Variants in PDE4D observed in about 807,000 individuals in gnomAD.
PDE4D encodes the protein 3',5'-cyclic-AMP phosphodiesterase 4D.
A neutral mutation model predicts 87.4 loss-of-function variants in PDE4D; 24 were observed. The ratio of observed to expected loss-of-function variants is 0.27; its 90% confidence interval spans 0.20 to 0.39. The LOEUF is 0.39. Ranked by LOEUF, PDE4D falls within the 10% of genes least tolerant of loss-of-function variation. PDE4D has a pLI of 1.00. For synonymous variants in PDE4D, 384 were observed against 383.2 expected (o/e 1.00, Z -0.02); for missense variants, 714 against 1,041.0 (o/e 0.69, Z 4.32).
chr5:60,118,852 G>C (rs1227570776), intron 2 of PDE4D, among the ~76,000 whole-genome samples: 1 of 152,024 alleles, frequency 6.6e-6, no homozygotes, highest in Admixed American at 6.6e-5. Flanking sequence ...TGAAGACGGA[G>C]TCCTGGTATG....
At chr5:60,105,035 A>C (rs888015752) in intron 2 of PDE4D, among the ~76,000 whole-genome samples, 9 of 152,250 alleles carry the variant, frequency 5.9e-5, no homozygotes, top group Admixed American at 1.3e-4. Context: ...GAGTTGAGAG[A>C]AGAAGGCTTC....
chr5:59,800,621 AC>A (rs1262047252), intron 1 of PDE4D, among the ~76,000 whole-genome samples: 1 of 145,716 alleles, frequency 6.9e-6, no homozygotes, highest in South Asian at 2.2e-4. Context: ...CCCCACCCCT[AC>A]CCCCCTACTA....
chr5:59,003,925 A>G (rs778532375), intron 6 of PDE4D, among the ~76,000 whole-genome samples: 16 of 151,994 alleles, frequency 1.1e-4, no homozygotes, highest in South Asian at 2.1e-4. Context: ...TTTAAATGCA[A>G]ATTACACTCT....
At chr5:60,114,550 A>T (rs1301306196) in intron 2 of PDE4D, among the ~76,000 whole-genome samples, 1 of 152,106 alleles carries the variant, frequency 6.6e-6, no homozygotes, top group Non-Finnish European at 1.5e-5. Flanking sequence ...GATGAGTACA[A>T]ACCAGAGAAC....
chr5:59,879,843 C>G lies in PDE4D; in HGVS notation c.455+13325G>C, dbSNP rs140126826. Among the ~76,000 whole-genome samples the G allele has an allele frequency of 6.2e-3, 945 of 152,284 alleles. 7 individuals are homozygous for G. Among genetic ancestry groups the G allele is most frequent in the African/African-American group, 0.022 (901 of 41,548 alleles). ...GCAACCTCCGCTCCCCGGGTTTAAG[C>G]GATTCTCCTGCCTCAGTCTCCTGAG... On this transcript the variant is annotated intron_variant, in intron 1 of 14. Coordinates refer to ENST00000340635, the MANE Select transcript of PDE4D (RefSeq NM_001104631.2).
intron 1 of PDE4D, among the ~76,000 whole-genome samples, chr5:59,849,627 G>A (rs189317758): frequency 8.4e-4 from 127 of 151,834 alleles, no homozygotes; most frequent in African/African-American, 2.8e-3. Context: ...ATTACCATCA[G>A]TGAGTTTTTT....
At chr5:59,736,894 T>G (rs1052217991) in intron 1 of PDE4D, among the ~76,000 whole-genome samples, 2 of 152,188 alleles carry the variant, frequency 1.3e-5, no homozygotes, top group African/African-American at 4.8e-5. Context: ...TAAAATTTTC[T>G]TCTTTGCAAT....
intron 3 of PDE4D, among the ~76,000 whole-genome samples, chr5:59,929,207 T>G (rs892525818): frequency 6.6e-6 from 1 of 152,170 alleles, no homozygotes; most frequent in Non-Finnish European, 1.5e-5. Context: ...TCATCCATAC[T>G]AGTTTAGCTT....
At chr5:60,431,393 C>A (rs1374100409) in intron 1 of PDE4D, among the ~76,000 whole-genome samples, 1 of 149,178 alleles carries the variant, frequency 6.7e-6, no homozygotes, top group Admixed American at 6.7e-5. Flanking sequence ...ACCTCCCAGA[C>A]GGGTTCGCGG....
intron 2 of PDE4D, among the ~76,000 whole-genome samples, chr5:60,183,269 T>C (rs1479445354): frequency 2.0e-5 from 3 of 152,238 alleles, no homozygotes; most frequent in South Asian, 4.1e-4. Flanking sequence ...TGGTATATTG[T>C]AGCCCAAGCT....
intron 1 of PDE4D, chr5:60,487,625 T>C (rs921141035): frequency 6.6e-6 from 1 of 152,216 alleles, no homozygotes; most frequent in South Asian, 2.1e-4. Context: ...CTCTAAGCTT[T>C]GATCCCAGCA....
chr5:59,169,357 G>C (rs1364278687), intron 5 of PDE4D, among the ~76,000 whole-genome samples: 4 of 151,550 alleles, frequency 2.6e-5, no homozygotes, highest in Non-Finnish European at 4.4e-5. Context: ...AGGAGACTTG[G>C]TACTGTGTCC....
intron 5 of PDE4D, among the ~76,000 whole-genome samples, chr5:59,113,370 T>C (rs1178219869): frequency 4.6e-5 from 7 of 152,228 alleles, no homozygotes; most frequent in Non-Finnish European, 2.9e-5. Flanking sequence ...TGCACATTGA[T>C]TCTTCTTCAA....
intron 1 of PDE4D, among the ~76,000 whole-genome samples, chr5:59,668,915 G>GA (rs1561441937): frequency 4.1e-5 from 3 of 73,788 alleles, no homozygotes; most frequent in African/African-American, 6.3e-5. Context: ...AGAAGAAGAA[G>GA]AAGAAGAAAG....
intron 1 of PDE4D, among the ~76,000 whole-genome samples, chr5:59,802,373 A>T (rs1767233525): frequency 6.8e-6 from 1 of 146,734 alleles, no homozygotes; most frequent in Non-Finnish European, 1.5e-5. Flanking sequence ...ATGATCACAG[A>T]TTATTTTTAT....
intron 1 of PDE4D, among the ~76,000 whole-genome samples, chr5:59,242,403 T>C (rs1757860657): frequency 6.6e-6 from 1 of 152,152 alleles, no homozygotes; most frequent in South Asian, 2.1e-4. Flanking sequence ...CAACTAGTCT[T>C]ACCAAATTCT....
At chr5:59,066,534 G>A (rs1254321890) in intron 5 of PDE4D, among the ~76,000 whole-genome samples, 1 of 152,166 alleles carries the variant, frequency 6.6e-6, no homozygotes, top group African/African-American at 2.4e-5. Context: ...AGATGGGCTG[G>A]AGAGGATTAT....
At chr5:60,442,666 A>C (rs966060412) in intron 1 of PDE4D, among the ~76,000 whole-genome samples, 13 of 152,178 alleles carry the variant, frequency 8.5e-5, no homozygotes, top group Non-Finnish European at 4.4e-5. Context: ...GTGGGAATGT[A>C]AAGCAAAGCC....
intron 3 of PDE4D, among the ~76,000 whole-genome samples, chr5:59,191,618 G>A (rs1744330161): frequency 1.3e-5 from 2 of 151,868 alleles, no homozygotes; most frequent in African/African-American, 4.8e-5. Flanking sequence ...ACCCAGGCTG[G>A]AGTGCAGTGG....
Sources: allele counts gnomAD v4.1 joint callset (sites outside exome capture counted in the v4.1 genomes callset), GRCh38; gene constraint gnomAD v4.1.1; transcripts MANE v1.5; gene names NCBI Gene and HGNC (gene_info 2026-07-23, HGNC 2026-07-21).